Variants in PGCKA1 observed in about 807,000 individuals in gnomAD.
PGCKA1 encodes PDCD10 and GCKIII kinases associated 1.
At chr4:37,499,314 A>G in the PGCKA1 span, among the ~76,000 whole-genome samples, 1 of 152,160 alleles carries the variant, frequency 6.6e-6, no homozygotes, top group Non-Finnish European at 1.5e-5. Context: ...AGCTTTTGGT[A>G]GCAGGATGAT....
the PGCKA1 span, among the ~76,000 whole-genome samples, chr4:37,574,571 T>A: frequency 6.6e-5 from 10 of 152,326 alleles, no homozygotes; most frequent in South Asian, 2.1e-3. Context: ...GGGATACACA[T>A]TGCCTCAAGC....
At chr4:37,457,074 TA>T in the PGCKA1 span, among the ~76,000 whole-genome samples, 3 of 152,250 alleles carry the variant, frequency 2.0e-5, no homozygotes, top group Admixed American at 1.3e-4. Context: ...TCATGGTTTT[TA>T]ATCACAGAAA....
the PGCKA1 span, among the ~76,000 whole-genome samples, chr4:37,516,668 A>G: frequency 6.6e-6 from 1 of 152,188 alleles, no homozygotes; most frequent in Non-Finnish European, 1.5e-5. Context: ...TTGCCCAGAA[A>G]CACATGAATA....
the PGCKA1 span, chr4:37,590,786 A>C: frequency 2.4e-5 from 39 of 1,613,956 alleles, no homozygotes; most frequent in Non-Finnish European, 3.1e-5. Context: ...TCATTGAATG[A>C]GGATGTGGAA....
At chr4:37,515,622 A>G in the PGCKA1 span, among the ~76,000 whole-genome samples, 4 of 152,340 alleles carry the variant, frequency 2.6e-5, no homozygotes, top group South Asian at 8.3e-4. Context: ...ACTGTTTTTT[A>G]TGCTGATGAT....
At chr4:37,551,013 A>AC in the PGCKA1 span, among the ~76,000 whole-genome samples, 3 of 133,526 alleles carry the variant, frequency 2.2e-5, no homozygotes, top group African/African-American at 5.4e-5. Context: ...TAATAGTACC[A>AC]TAAAAAAAAA....
the PGCKA1 span, among the ~76,000 whole-genome samples, chr4:37,478,144 C>G: frequency 2.0e-5 from 2 of 102,490 alleles, no homozygotes; most frequent in African/African-American, 3.2e-5. Context: ...TTAAAAACAC[C>G]CCCCCCCACC....
the PGCKA1 span, among the ~76,000 whole-genome samples, chr4:37,515,988 TTA>T: frequency 6.6e-6 from 1 of 151,942 alleles, no homozygotes; most frequent in African/African-American, 2.4e-5. Context: ...ATACTTTTTT[TTA>T]TATATAAAAT....
At chr4:37,583,923 G>C in the PGCKA1 span, among the ~76,000 whole-genome samples, 1 of 152,146 alleles carries the variant, frequency 6.6e-6, no homozygotes, top group African/African-American at 2.4e-5. Context: ...TTACCTTTAA[G>C]CTAGCTGTTG....
the PGCKA1 span, among the ~76,000 whole-genome samples, chr4:37,462,601 C>T: frequency 6.6e-6 from 1 of 152,160 alleles, no homozygotes; most frequent in African/African-American, 2.4e-5. Context: ...TTTATTGAAT[C>T]CATATGTTGA....
At chr4:37,478,837 G>A in the PGCKA1 span, among the ~76,000 whole-genome samples, 1 of 152,124 alleles carries the variant, frequency 6.6e-6, no homozygotes, top group African/African-American at 2.4e-5. Context: ...TCATGGGAAG[G>A]TGTCTTCTTT....
chr4:37,552,146 C>A, the PGCKA1 span, among the ~76,000 whole-genome samples: 1 of 152,240 alleles, frequency 6.6e-6, no homozygotes, highest in Non-Finnish European at 1.5e-5. Flanking sequence ...AGTTAAAAAT[C>A]AACTCATGAC....
At chr4:37,510,912 A>G in the PGCKA1 span, among the ~76,000 whole-genome samples, 1 of 151,856 alleles carries the variant, frequency 6.6e-6, no homozygotes, top group South Asian at 2.1e-4. Flanking sequence ...CTGTCACTCA[A>G]ACCAAGTCAC....
the PGCKA1 span, among the ~76,000 whole-genome samples, chr4:37,530,382 GC>G: frequency 6.6e-6 from 1 of 151,992 alleles, no homozygotes; most frequent in Non-Finnish European, 1.5e-5. Context: ...GACCAGCCTG[GC>G]CAACATGGTG....
chr4:37,548,024 G>GC, the PGCKA1 span, among the ~76,000 whole-genome samples: 3 of 108,796 alleles, frequency 2.8e-5, no homozygotes, highest in East Asian at 6.3e-4. Flanking sequence ...AAAAAAAAAG[G>GC]GGGGGAGGCA....
the PGCKA1 span, among the ~76,000 whole-genome samples, chr4:37,574,528 C>G: frequency 6.6e-6 from 1 of 152,124 alleles, no homozygotes; most frequent in South Asian, 2.1e-4. Flanking sequence ...TTGATACAGG[C>G]TTGCAATGCA....
chr4:37,465,173 C>G, the PGCKA1 span, among the ~76,000 whole-genome samples: 10 of 151,848 alleles, frequency 6.6e-5, no homozygotes, highest in African/African-American at 2.4e-4. Flanking sequence ...AAAAATATTA[C>G]TGTAAAATGT....
the PGCKA1 span, among the ~76,000 whole-genome samples, chr4:37,541,064 T>C: frequency 1.2e-5 from 1 of 82,254 alleles, no homozygotes; most frequent in South Asian, 3.0e-4. Flanking sequence ...GCTGGCTGAG[T>C]TCACCTTGAC....
the PGCKA1 span, among the ~76,000 whole-genome samples, chr4:37,552,616 GAAATA>G: frequency 6.6e-6 from 1 of 152,194 alleles, no homozygotes; most frequent in African/African-American, 2.4e-5. Context: ...AAGAAGTCTT[GAAATA>G]AAATCACTTC....
Sources: allele counts gnomAD v4.1 joint callset (sites outside exome capture counted in the v4.1 genomes callset), GRCh38; gene constraint gnomAD v4.1.1; transcripts MANE v1.5; gene names NCBI Gene and HGNC (gene_info 2026-07-23, HGNC 2026-07-21).